Variants in CNTNAP3 observed in about 807,000 individuals in gnomAD.
CNTNAP3 encodes contactin-associated protein-like 3.
CNTNAP3 carries 36 observed loss-of-function variants against 92.1 expected under a neutral mutation model. The observed-to-expected ratio is 0.39, with a 90% CI of 0.30 to 0.52. CNTNAP3 has a LOEUF of 0.52. Ranked by LOEUF, CNTNAP3 falls within the 20% of genes least tolerant of loss-of-function variation. The pLI is 0.76. For missense variants in CNTNAP3, 534 were observed against 1,069.6 expected, an observed-to-expected ratio of 0.50 and a Z score of 6.98; for synonymous variants, 232 against 422.3, an observed-to-expected ratio of 0.55 and a Z score of 5.53.
chr9:39,094,370 C>A (rs1032996275), intron 18 of CNTNAP3, among the ~76,000 whole-genome samples: 2 of 151,518 alleles, frequency 1.3e-5, no homozygotes, highest in Non-Finnish European at 3.0e-5. Context: ...TTGATAAAGT[C>A]CAAATAATCT....
chr9:39,114,934 A>G (rs1166480915), intron 14 of CNTNAP3, among the ~76,000 whole-genome samples: 1 of 151,062 alleles, frequency 6.6e-6, no homozygotes, highest in Non-Finnish European at 1.5e-5. Flanking sequence ...CTATTTGAAC[A>G]TAGTCCACTA....
Position 39,071,580 on chromosome 9 carries a change from T to C in CNTNAP3, c.*2310A>G, listed in dbSNP as rs16925197. On this transcript the variant is annotated 3_prime_UTR_variant, in exon 24 of 24. Coordinates refer to ENST00000297668, the MANE Select transcript of CNTNAP3 (RefSeq NM_033655.5). Reference sequence around the variant, plus strand: ...AAATTATTATGCTTTTACTTTTATGTTACAAAAGGGTGTTACTTGCAACTA... The same window carrying C: ...AAATTATTATGCTTTTACTTTTATGCTACAAAAGGGTGTTACTTGCAACTA... 0.12 allele frequency among the ~76,000 whole-genome samples: 17,975 copies of C among 152,062 alleles called. 2,570 individuals are homozygous for C. Among genetic ancestry groups the C allele is most frequent in the African/African-American group, 0.34 (14,018 of 41,450 alleles).
intron 21 of CNTNAP3, among the ~76,000 whole-genome samples, chr9:39,084,506 T>A (rs1026708410): frequency 3.3e-5 from 5 of 151,738 alleles, no homozygotes; most frequent in African/African-American, 1.2e-4. Context: ...TCACCAAATA[T>A]TTTTAAATGA....
intron 13 of CNTNAP3, among the ~76,000 whole-genome samples, chr9:39,130,050 A>G (rs1587722769): frequency 6.6e-6 from 1 of 152,014 alleles, no homozygotes; most frequent in African/African-American, 2.4e-5. Flanking sequence ...GTTGGTGGGA[A>G]TGGTACAACC....
In CNTNAP3 at chr9:39,140,650, C is replaced by T; in HGVS notation, c.1757-12G>A. ...CTGCTCGTAGAGAGCTGTAGGAGAA[C>T]ACCAGCCATAAGAACCAGAAAAAAT... On this transcript the variant is annotated splice_polypyrimidine_tract_variant and intron_variant, in intron 11 of 23. Transcript: ENST00000297668. The T allele has an allele frequency of 6.3e-7, 1 of 1,581,096 alleles. No homozygotes were observed. Among genetic ancestry groups the T allele is most frequent in the Middle Eastern group, 1.7e-4 (1 of 5,884 alleles).
intron 21 of CNTNAP3, among the ~76,000 whole-genome samples, chr9:39,082,240 C>T (rs748146688): frequency 1.0e-3 from 155 of 152,060 alleles, no homozygotes; most frequent in Non-Finnish European, 1.5e-3. Flanking sequence ...AGACTTTACA[C>T]GTTTTCATCA....
At chr9:39,081,473 A>G (rs963187182) in intron 21 of CNTNAP3, among the ~76,000 whole-genome samples, 2 of 149,750 alleles carry the variant, frequency 1.3e-5, no homozygotes, top group Admixed American at 1.3e-4. Context: ...CCTGCTCCCG[A>G]GTAAATTCAC....
At chr9:39,094,252 G>T (rs895154546) in intron 18 of CNTNAP3, among the ~76,000 whole-genome samples, 2 of 151,346 alleles carry the variant, frequency 1.3e-5, no homozygotes, top group Admixed American at 6.6e-5. Flanking sequence ...ACATATTCTA[G>T]ATAGTAAACC....
At chr9:39,150,197 A>G (rs896072524) in intron 9 of CNTNAP3, among the ~76,000 whole-genome samples, 10 of 152,112 alleles carry the variant, frequency 6.6e-5, no homozygotes, top group Admixed American at 6.5e-4. Context: ...GGGAAAATTC[A>G]GATCTAAAAT....
chr9:39,118,901 T>A (rs1292746222), intron 13 of CNTNAP3, among the ~76,000 whole-genome samples: 1 of 152,282 alleles, frequency 6.6e-6, no homozygotes, highest in Non-Finnish European at 1.5e-5. Context: ...CGAGTGCACC[T>A]CCTTCTCAGC....
At chr9:39,136,043 C>T (rs1346123112) in intron 12 of CNTNAP3, among the ~76,000 whole-genome samples, 1 of 151,630 alleles carries the variant, frequency 6.6e-6, no homozygotes, top group African/African-American at 2.4e-5. Flanking sequence ...GCAGAAGAAT[C>T]GCTTGAACCT....
intron 13 of CNTNAP3, among the ~76,000 whole-genome samples, chr9:39,126,610 T>C (rs1407006365): frequency 6.6e-6 from 1 of 152,142 alleles, no homozygotes; most frequent in Non-Finnish European, 1.5e-5. Context: ...TGGGATTTAC[T>C]CTAGATATGC....
chr9:39,150,712 A>C lies in CNTNAP3; in HGVS notation c.1478-735T>G, dbSNP rs1015548709. Reference sequence around the variant, plus strand: ...GCAGTCCAGAATGTTCTATGAATAGAAAGAGATAAAATAGACATTTGATTA... The same window carrying C: ...GCAGTCCAGAATGTTCTATGAATAGCAAGAGATAAAATAGACATTTGATTA... On this transcript the variant is annotated intron_variant, in intron 9 of 23. Coordinates refer to ENST00000297668, the MANE Select transcript of CNTNAP3 (RefSeq NM_033655.5). Among the ~76,000 whole-genome samples the C allele has an allele frequency of 7.8e-5, 5 of 64,024 alleles. No individual in the cohort carries two copies. In the Admixed American group the frequency reaches 8.9e-4, roughly 11 times the overall value. 42.0% of individuals were successfully genotyped at this position (64,024 alleles called of 152,430 possible).
Position 39,085,696 on chromosome 9 carries a change from C to T in CNTNAP3, c.3442+40G>A, listed in dbSNP as rs777959942. 2.8e-5 allele frequency: 40 copies of T among 1,409,532 alleles called. 7 individuals are homozygous for T. In the African/African-American group the frequency reaches 5.4e-4, roughly 19 times the overall value. 87.3% of individuals were successfully genotyped at this position (1,409,532 alleles called of 1,614,324 possible). Reference sequence around the variant, plus strand: ...TGATGAATGCTTCCAGAGTTTGTGACATGACACTTATTTGGGAAAAAGCTC... The same window carrying T: ...TGATGAATGCTTCCAGAGTTTGTGATATGACACTTATTTGGGAAAAAGCTC... On this transcript the variant is annotated intron_variant, in intron 21 of 23. Coordinates refer to ENST00000297668, the MANE Select transcript of CNTNAP3 (RefSeq NM_033655.5).
intron 21 of CNTNAP3, among the ~76,000 whole-genome samples, chr9:39,081,464 C>T (rs1383452213): frequency 1.3e-5 from 2 of 150,362 alleles, no homozygotes; most frequent in African/African-American, 2.5e-5. Flanking sequence ...CCATCAAAGC[C>T]TGCTCCCGAG....
intron 7 of CNTNAP3, chr9:39,174,065 TTGTATC>T (rs757276800): frequency 1.0e-3 from 8 of 7,926 alleles, no homozygotes; most frequent in South Asian, 2.3e-3. Flanking sequence ...AAACCCATCT[TTGTATC>T]TGTATCTGAG....
chr9:39,079,041 C>T (rs1825865899), intron 21 of CNTNAP3, 121 bp from the exon 22 acceptor site: 3 of 1,467,794 alleles, frequency 2.0e-6, no homozygotes, highest in South Asian at 2.4e-5. Context: ...CCCTCCGAAC[C>T]CCTCGTTCCT....
At chr9:39,098,505 G>A (rs1205364702) in intron 18 of CNTNAP3, among the ~76,000 whole-genome samples, 3 of 152,048 alleles carry the variant, frequency 2.0e-5, no homozygotes, top group Non-Finnish European at 2.9e-5. Context: ...ACTATATAAT[G>A]TCTATCCTTA....
At chr9:39,074,219 G>A (rs887500297) in intron 23 of CNTNAP3, among the ~76,000 whole-genome samples, 1 of 151,618 alleles carries the variant, frequency 6.6e-6, no homozygotes, top group Non-Finnish European at 1.5e-5. Flanking sequence ...TGTAGAGATG[G>A]GGTGTTGCTG....
Sources: gnomAD v4.1 joint callset for allele counts (sites outside exome capture counted in the v4.1 genomes callset) on GRCh38, gnomAD v4.1.1 for gene constraint, MANE v1.5 for transcripts, NCBI Gene and HGNC (gene_info 2026-07-23, HGNC 2026-07-21) for gene names.